The following MSH4 variants were observed in gnomAD, a reference collection of about 807,000 sequenced individuals.
The protein encoded by MSH4 is mutS homolog 4, also known as mutS protein homolog 4.
A neutral mutation model predicts 113.7 loss-of-function variants in MSH4; 106 were observed. That is an observed-to-expected ratio of 0.93 (90% confidence interval 0.80 to 1.10). MSH4 has a LOEUF of 1.10. Ranked by LOEUF, MSH4 falls within the 50% of genes least tolerant of loss-of-function variation. MSH4 has a pLI of 0.00. For synonymous variants in MSH4, 368 were observed against 380.2 expected, an observed-to-expected ratio of 0.97 and a Z score of 0.37; for missense variants, 1,061 against 1,093.7, an observed-to-expected ratio of 0.97 and a Z score of 0.42.
At chr1:75,834,220 C>T (rs1650775848) in intron 7 of MSH4, among the ~76,000 whole-genome samples, 1 of 152,184 alleles carries the variant, frequency 6.6e-6, no homozygotes, top group Non-Finnish European at 1.5e-5. Flanking sequence ...CAAATCAAAA[C>T]CACAATGAGA....
intron 9 of MSH4, among the ~76,000 whole-genome samples, chr1:75,875,435 C>A (rs1651798776): frequency 1.3e-5 from 2 of 152,136 alleles, no homozygotes. Flanking sequence ...AATGGAGCAG[C>A]ACACATTCAT....
chr1:75,853,999 A>G (rs1651252894), intron 8 of MSH4, among the ~76,000 whole-genome samples: 1 of 122,658 alleles, frequency 8.2e-6, no homozygotes, highest in African/African-American at 3.2e-5. Context: ...TGGCTAGGGC[A>G]TAAGTGTGTG....
At chr1:75,812,062 TTTG>T (rs5745361) in intron 4 of MSH4, among the ~76,000 whole-genome samples, 6,724 of 151,960 alleles carry the variant, frequency 0.044, 497 homozygotes, top group African/African-American at 0.16. Flanking sequence ...ACTTTCATGT[TTTG>T]TTGTTGTTGT....
At position 75,890,730 on chromosome 1, in the gene MSH4, C is replaced by T. The variant is rs377712900; in HGVS notation, c.2261C>T (p.Ser754Leu). 2.5e-5 allele frequency: 40 copies of T among 1,602,118 alleles called. No individual in the cohort carries two copies. The highest frequency in any genetic ancestry group is 6.7e-5 in the African/African-American group (5 of 74,484). ...ATTCTACATAATGCTAATGACAAAT[C>T]GCTCATATTAATTGATGAACTTGGC... Reference protein sequence around the residue: ...AYILHNANDKSLILIDELGRG... With the variant: ...AYILHNANDKLLILIDELGRG... The change falls in exon 17 of 20, where the codon TCG becomes TTG. Residue 754 changes from serine (S) to leucine (L), a missense_variant. Ser to Leu is a moderately radical substitution (Grantham distance 145). Transcript: ENST00000263187.
At chr1:75,886,620 A>AT (rs1652123897) in intron 15 of MSH4, among the ~76,000 whole-genome samples, 2 of 66,358 alleles carry the variant, frequency 3.0e-5, no homozygotes, top group Non-Finnish European at 3.0e-5. Context: ...TGTATAATAT[A>AT]TAAATATATA....
rs780757965 is a variant in MSH4, at chr1:75,889,381, A to G, written c.2226+12A>G. The stretch of plus-strand genomic sequence containing the variant: ...AAGAAATGAAAGAGGTACCCAAACA[A>G]AACTTTTCTTATGTTAAAAACATTA... On this transcript the variant is annotated intron_variant, in intron 16 of 19. Transcript: ENST00000263187. 1.7e-6 allele frequency: 2 copies of G among 1,206,710 alleles called. No homozygotes were observed. The highest frequency in any genetic ancestry group is 2.4e-6 in the Non-Finnish European group (2 of 845,088). The allele number at this position is 1,206,710 out of a possible 1,614,324, so 74.8% of individuals were successfully genotyped here.
intron 19 of MSH4, among the ~76,000 whole-genome samples, chr1:75,903,051 G>A (rs1264312717): frequency 1.3e-5 from 2 of 150,510 alleles, no homozygotes; most frequent in Non-Finnish European, 3.0e-5. Context: ...TTAACATAAT[G>A]TAATTATATA....
chr1:75,826,326 C>G (rs958847753), intron 7 of MSH4, among the ~76,000 whole-genome samples: 1 of 151,960 alleles, frequency 6.6e-6, no homozygotes, highest in Non-Finnish European at 1.5e-5. Context: ...TTTATCATTT[C>G]TTATTGTGTC....
At chr1:75,841,386 C>T (rs1418214784) in intron 7 of MSH4, among the ~76,000 whole-genome samples, 1 of 151,998 alleles carries the variant, frequency 6.6e-6, no homozygotes. Context: ...TTTGTAGAGC[C>T]AGGGTCTTGC....
chr1:75,906,028 T>C (rs981529688), intron 19 of MSH4, among the ~76,000 whole-genome samples: 1 of 152,012 alleles, frequency 6.6e-6, no homozygotes, highest in Non-Finnish European at 1.5e-5. Context: ...TTTTGCTCTG[T>C]CACCCAGGCT....
chr1:75,912,493 A>T (rs1015249802), intron 19 of MSH4, among the ~76,000 whole-genome samples: 4 of 152,062 alleles, frequency 2.6e-5, no homozygotes, highest in Non-Finnish European at 5.9e-5. Flanking sequence ...AGAATAAATT[A>T]TGTTCTTTCA....
Position 75,810,794 on chromosome 1 carries a change from C to T in MSH4, c.686C>T (p.Thr229Ile). Reference protein sequence around the residue: ...GNSTKLFTLITENFKNVNFTT... With the variant: ...GNSTKLFTLIIENFKNVNFTT... ...TCCACCAAGTTGTTCACTCTGATCA[C>T]AGAAAATTTCAAGGTAAGTGATGTT... The change falls in exon 4 of 20, where the codon ACA becomes ATA. Residue 229 changes from threonine (T) to isoleucine (I), a missense_variant. Coordinates refer to ENST00000263187, the MANE Select transcript of MSH4 (RefSeq NM_002440.4). The T allele has an allele frequency of 6.4e-7, 1 of 1,551,352 alleles. No homozygotes were observed. The highest frequency in any genetic ancestry group is 8.8e-7 in the Non-Finnish European group (1 of 1,139,702).
intron 15 of MSH4, among the ~76,000 whole-genome samples, chr1:75,888,826 G>A (rs1204740206): frequency 1.3e-5 from 2 of 148,316 alleles, no homozygotes; most frequent in Non-Finnish European, 3.0e-5. Context: ...CTGTCTGTTT[G>A]TTATGTACTT....
At position 75,898,100 on chromosome 1, in the gene MSH4, A is replaced by C. The variant is rs1465444522; in HGVS notation, c.2530+19A>C. On this transcript the variant is annotated intron_variant, in intron 18 of 19. Transcript: ENST00000263187. ...AATTATGGTACTGCATATAGAAATTATACCTATACATTCAAATACTATATA... is the reference window on the plus strand; with the variant it reads ...AATTATGGTACTGCATATAGAAATTCTACCTATACATTCAAATACTATATA... 1.3e-5 allele frequency: 19 copies of C among 1,449,428 alleles called. No homozygotes were observed. Among genetic ancestry groups the C allele is most frequent in the Middle Eastern group, 2.2e-4 (1 of 4,604 alleles). 89.8% of individuals were successfully genotyped at this position (1,449,428 alleles called of 1,614,324 possible).
chr1:75,896,099 A>G (rs1254148986), intron 17 of MSH4, among the ~76,000 whole-genome samples: 1 of 152,094 alleles, frequency 6.6e-6, no homozygotes, highest in Non-Finnish European at 1.5e-5. Context: ...TAGAAGAAAA[A>G]GGCTGATCCT....
intron 7 of MSH4, among the ~76,000 whole-genome samples, chr1:75,831,408 A>T (rs1020823803): frequency 2.0e-5 from 3 of 152,114 alleles, no homozygotes; most frequent in Admixed American, 6.6e-5. Context: ...ATATCCAGGA[A>T]TTGAACTCAG....
At chr1:75,806,709 T>C (rs1318021138) in intron 2 of MSH4, among the ~76,000 whole-genome samples, 2 of 152,158 alleles carry the variant, frequency 1.3e-5, no homozygotes, top group Non-Finnish European at 2.9e-5. Flanking sequence ...TACTCTTCTT[T>C]AGAGGAGTCT....
intron 6 of MSH4, among the ~76,000 whole-genome samples, chr1:75,821,817 A>G (rs545486746): frequency 1.2e-4 from 19 of 152,228 alleles, no homozygotes; most frequent in African/African-American, 4.6e-4. Flanking sequence ...TATGTTGTCC[A>G]TGCTGGTCTT....
intron 5 of MSH4, 149 bp from the exon 6 acceptor site, chr1:75,816,224 C>T: frequency 2.4e-6 from 1 of 414,870 alleles, no homozygotes; most frequent in Non-Finnish European, 4.3e-6. Context: ...AGGTTATTTA[C>T]CTAGTTTTCA....
Sources: gnomAD v4.1 joint callset for allele counts (sites outside exome capture counted in the v4.1 genomes callset) on GRCh38, gnomAD v4.1.1 for gene constraint, MANE v1.5 for transcripts, NCBI Gene and HGNC (gene_info 2026-07-23, HGNC 2026-07-21) for gene names.